TMEM263: variants seen among roughly 807,000 people sequenced by gnomAD.
The protein encoded by TMEM263 is transmembrane protein 263.
Under a neutral mutation model 8.6 loss-of-function variants are expected in TMEM263, and 5 were observed. The ratio of observed to expected loss-of-function variants is 0.58; its 90% confidence interval spans 0.31 to 1.23. TMEM263 has a LOEUF of 1.23. TMEM263 is among the 50% of genes most tolerant of loss of function. The pLI is 0.07. For missense variants in TMEM263, 104 were observed against 138.8 expected, an observed-to-expected ratio of 0.75 and a Z score of 1.26; for synonymous variants, 50 against 47.9, an observed-to-expected ratio of 1.04 and a Z score of -0.18.
chr12:106,966,452 C>A (rs964520347), intron 2 of TMEM263, among the ~76,000 whole-genome samples: 1 of 152,168 alleles, frequency 6.6e-6, no homozygotes, highest in African/African-American at 2.4e-5. Context: ...ATGAACATAA[C>A]ACGTGTGTGG....
chr12:106,955,908 C>G lies in TMEM263; in HGVS notation c.-232C>G. ...GCCTCCGCCTCCACCACCGCCGCCACAGTCTTCCAGCTCCACATCCTGAGA... is the reference window on the plus strand; with the variant it reads ...GCCTCCGCCTCCACCACCGCCGCCAGAGTCTTCCAGCTCCACATCCTGAGA... On this transcript the variant is annotated 5_prime_UTR_variant, in exon 1 of 4. Transcript: ENST00000280756. The G allele has an allele frequency of 1.0e-6, 1 of 985,556 alleles. No homozygotes were observed. 61.1% of individuals were successfully genotyped at this position (985,556 alleles called of 1,614,324 possible).
Position 106,971,158 on chromosome 12 carries a change from G to A in TMEM263, c.118G>A (p.Gly40Arg), listed in dbSNP as rs1566226893. 1 of 1,614,224 alleles carries A rather than the reference G, an allele frequency of 6.2e-7. No homozygotes were observed. The change falls in exon 4 of 4, where the codon GGG becomes AGG. Residue 40 changes from glycine to arginine, a missense_variant. Gly to Arg is a moderately radical substitution (Grantham distance 125, BLOSUM62 -2). Coordinates refer to ENST00000280756, the MANE Select transcript of TMEM263 (RefSeq NM_152261.4). ...QQPGMLSRVT[G>R]GIFSVTKGAV... Reference sequence around the variant, plus strand: ...GCCAGGCATGTTGTCCCGTGTGACTGGGGGTATCTTCAGTGTTACAAAGGG... The same window carrying A: ...GCCAGGCATGTTGTCCCGTGTGACTAGGGGTATCTTCAGTGTTACAAAGGG...
rs1255839075 is a variant in TMEM263, at chr12:106,955,909, A to T, written c.-231A>T. On this transcript the variant is annotated 5_prime_UTR_variant, in exon 1 of 4. Transcript: ENST00000280756. ...CCTCCGCCTCCACCACCGCCGCCACAGTCTTCCAGCTCCACATCCTGAGAG... is the reference window on the plus strand; with the variant it reads ...CCTCCGCCTCCACCACCGCCGCCACTGTCTTCCAGCTCCACATCCTGAGAG... 1.0e-6 allele frequency: 1 copy of T among 985,378 alleles called. No homozygotes were observed. The highest frequency in any genetic ancestry group is 1.2e-6 in the Non-Finnish European group (1 of 830,066). The allele number at this position is 985,378 out of a possible 1,614,324, so 61.0% of individuals were successfully genotyped here. A position where few individuals can be genotyped will look rare whatever the true frequency, so the allele number is the denominator to read the frequency against.
intron 2 of TMEM263, among the ~76,000 whole-genome samples, chr12:106,957,470 A>C (rs1422549272): frequency 4.0e-5 from 6 of 151,686 alleles, no homozygotes; most frequent in East Asian, 1.9e-4. Context: ...TTTTTTTTTA[A>C]CTACAGGAAA....
At chr12:106,965,598 T>G (rs1951832958) in intron 2 of TMEM263, among the ~76,000 whole-genome samples, 2 of 141,756 alleles carry the variant, frequency 1.4e-5, no homozygotes, top group Non-Finnish European at 3.0e-5. Flanking sequence ...AGAGTGAGAC[T>G]CTGTCTCAAA....
Position 106,957,168 on chromosome 12 carries a change from G to T in TMEM263, c.-7+19G>T. On this transcript the variant is annotated intron_variant, in intron 2 of 3. Transcript: ENST00000280756. ...CCAACAGGTAAACGCGCGCGCCCGT[G>T]TGTGTGTGTGTGTGTGTGTGTGTGT... 2.0e-5 allele frequency: 1 copy of T among 51,012 alleles called. No individual in the cohort carries two copies. The highest frequency in any genetic ancestry group is 2.1e-5 in the Non-Finnish European group (1 of 46,998). 3.2% of individuals were successfully genotyped at this position (51,012 alleles called of 1,614,324 possible).
chr12:106,972,465 G>A lies in TMEM263; in HGVS notation c.*1074G>A, dbSNP rs541760330. On this transcript the variant is annotated 3_prime_UTR_variant, in exon 4 of 4. Transcript: ENST00000280756. Reference sequence around the variant, plus strand: ...TATGTGAGGACTTACTATTTTAAATGGAATGGAATGAGCTCCATAGATTAG... The same window carrying A: ...TATGTGAGGACTTACTATTTTAAATAGAATGGAATGAGCTCCATAGATTAG... 1 of 152,236 alleles carries A rather than the reference G, an allele frequency of 6.6e-6. No individual in the cohort carries two copies. The highest frequency in any genetic ancestry group is 6.5e-5 in the Admixed American group (1 of 15,288). The allele number at this position is 152,236 out of a possible 1,614,324, so 9.4% of individuals were successfully genotyped here. A position where few individuals can be genotyped will look rare whatever the true frequency, so the allele number is the denominator to read the frequency against.
chr12:106,971,646 A>G lies in TMEM263; in HGVS notation c.*255A>G, dbSNP rs374407609. 8.4e-6 allele frequency: 3 copies of G among 357,044 alleles called. No homozygotes were observed. In the East Asian group the frequency reaches 1.4e-4, roughly 16 times the overall value. The allele number at this position is 357,044 out of a possible 1,614,324, so 22.1% of individuals were successfully genotyped here. The stretch of plus-strand genomic sequence containing the variant: ...ACTCGGTTGTAACTGAAGATATGGT[A>G]TGTTTGAATATTTACTATAAGTCTT... On this transcript the variant is annotated 3_prime_UTR_variant, in exon 4 of 4. Transcript: ENST00000280756.
chr12:106,967,353 G>T, intron 3 of TMEM263, 173 bp downstream of exon 3: 1 of 456,528 alleles, frequency 2.2e-6, no homozygotes, highest in South Asian at 3.0e-5. Flanking sequence ...CCGCTTCCTG[G>T]GTTCAAGCAG....
rs1951963456 is a variant in TMEM263 at position 106,973,918 on chromosome 12, T to C, written c.*2527T>C. 1 of 152,574 alleles carries C rather than the reference T, an allele frequency of 6.6e-6. No homozygotes were observed. Among genetic ancestry groups the C allele is most frequent in the South Asian group, 2.1e-4 (1 of 4,828 alleles). 9.5% of individuals were successfully genotyped at this position (152,574 alleles called of 1,614,324 possible). The stretch of plus-strand genomic sequence containing the variant: ...TCAGATGAAAATAACTGATGAATAA[T>C]TTTTTTGTATTAAAGGGATGGGAAA... On this transcript the variant is annotated 3_prime_UTR_variant, in exon 4 of 4. Transcript: ENST00000280756.
At chr12:106,959,081 C>G (rs1469215244) in intron 2 of TMEM263, among the ~76,000 whole-genome samples, 1 of 152,238 alleles carries the variant, frequency 6.6e-6, no homozygotes, top group Admixed American at 6.5e-5. Context: ...CCTGTGTGTG[C>G]TTAATCACAC....
rs1278790621 is a variant in TMEM263, at chr12:106,973,522, CTCA to C, written c.*2135_*2137del. On this transcript the variant is annotated 3_prime_UTR_variant, in exon 4 of 4. Transcript: ENST00000280756. ...AGAAAAGCCACCTGGTACGTTTTGT[CTCA>C]TCAGGATTGTTTTAAATTCTAAACT... 6 of 152,546 alleles carry C rather than the reference CTCA, an allele frequency of 3.9e-5. No individual in the cohort carries two copies. The highest frequency in any genetic ancestry group is 1.4e-4 in the African/African-American group (6 of 41,426). The allele number at this position is 152,546 out of a possible 1,614,324, so 9.4% of individuals were successfully genotyped here. A position where few individuals can be genotyped will look rare whatever the true frequency, so the allele number is the denominator to read the frequency against.
intron 2 of TMEM263, among the ~76,000 whole-genome samples, chr12:106,960,233 C>T (rs762218836): frequency 1.4e-4 from 21 of 151,884 alleles, no homozygotes; most frequent in Non-Finnish European, 2.5e-4. Flanking sequence ...TGGGGTTTCA[C>T]CATGTTGGCC....
chr12:106,957,716 G>GT (rs1951719819), intron 2 of TMEM263, among the ~76,000 whole-genome samples: 1 of 152,132 alleles, frequency 6.6e-6, no homozygotes, highest in South Asian at 2.1e-4. Flanking sequence ...TCTGCTTAAT[G>GT]TTTCATTTAA....
At chr12:106,968,375 CAAA>C (rs5800722) in intron 3 of TMEM263, among the ~76,000 whole-genome samples, 1 of 128,834 alleles carries the variant, frequency 7.8e-6, no homozygotes, top group Non-Finnish European at 1.7e-5. Context: ...GACTCCGTCT[CAAA>C]AAAAAAAAAA....
chr12:106,971,546 G>C lies in TMEM263; in HGVS notation c.*155G>C. 1.3e-6 allele frequency: 1 copy of C among 744,258 alleles called. No homozygotes were observed. The highest frequency in any genetic ancestry group is 2.1e-6 in the Non-Finnish European group (1 of 476,472). 46.1% of individuals were successfully genotyped at this position (744,258 alleles called of 1,614,324 possible). A position where few individuals can be genotyped will look rare whatever the true frequency, so the allele number is the denominator to read the frequency against. On this transcript the variant is annotated 3_prime_UTR_variant, in exon 4 of 4. Coordinates refer to ENST00000280756, the MANE Select transcript of TMEM263 (RefSeq NM_152261.4). ...GACTGGCTTTCATCTAAAAAGAAGA[G>C]ACCAATACGAGCACAGTATATGAAG...
chr12:106,969,315 C>A (rs1176065903), intron 3 of TMEM263, among the ~76,000 whole-genome samples: 1 of 152,160 alleles, frequency 6.6e-6, no homozygotes, highest in Non-Finnish European at 1.5e-5. Context: ...GTTGGACTTA[C>A]GTACCCAGTA....
At chr12:106,970,617 T>C (rs982922479) in intron 3 of TMEM263, among the ~76,000 whole-genome samples, 1 of 152,202 alleles carries the variant, frequency 6.6e-6, no homozygotes, top group Non-Finnish European at 1.5e-5. Context: ...GTTTTTACCT[T>C]GTAGACCCCC....
intron 2 of TMEM263, among the ~76,000 whole-genome samples, chr12:106,960,522 A>G (rs1254078675): frequency 6.6e-6 from 1 of 152,166 alleles, no homozygotes. Context: ...AATGCAATTG[A>G]ATATTTCTAT....
Sources: gnomAD v4.1 joint callset for allele counts (sites outside exome capture counted in the v4.1 genomes callset) on GRCh38, gnomAD v4.1.1 for gene constraint, MANE v1.5 for transcripts, NCBI Gene and HGNC (gene_info 2026-07-23, HGNC 2026-07-21) for gene names.